Variants in SHROOM2 observed in about 807,000 individuals in gnomAD.
SHROOM2 encodes shroom family member 2, also known as protein Shroom2.
A neutral mutation model predicts 75.9 loss-of-function variants in SHROOM2; 33 were observed. The observed-to-expected ratio is 0.43, with a 90% CI of 0.33 to 0.58. The LOEUF (loss-of-function observed/expected upper bound fraction) is 0.58, where lower values mean the gene tolerates loss of function less well. SHROOM2 is among the 20% of genes least tolerant of loss of function. The pLI, the probability that SHROOM2 is intolerant of heterozygous loss-of-function variation, is 0.04. For missense variants in SHROOM2, 1,434 were observed against 1,461.2 expected (o/e 0.98, Z 0.30); for synonymous variants, 655 against 663.6 (o/e 0.99, Z 0.20).
intron 8 of SHROOM2, among the ~76,000 whole-genome samples, chrX:9,939,799 T>G (rs1028384497): frequency 8.9e-6 from 1 of 111,741 alleles, no homozygotes; most frequent in Non-Finnish European, 1.9e-5. Flanking sequence ...GTGGTAACTT[T>G]TTTTTGAGAT....
At chrX:9,946,390 G>A (rs1233426921) in intron 9 of SHROOM2, among the ~76,000 whole-genome samples, 2 of 112,840 alleles carry the variant, frequency 1.8e-5, no homozygotes, top group Non-Finnish European at 3.8e-5. Context: ...CACCATTCGA[G>A]GCAGGTGGGA....
chrX:9,789,939 G>C (rs945561235), intron 1 of SHROOM2, among the ~76,000 whole-genome samples: 1 of 101,694 alleles, frequency 9.8e-6, no homozygotes, highest in Non-Finnish European at 2.0e-5. Context: ...TGTTGTGTGC[G>C]ACAAGACTGC....
chrX:9,825,602 C>T (rs1030673585), intron 1 of SHROOM2, among the ~76,000 whole-genome samples: 2 of 112,363 alleles, frequency 1.8e-5, no homozygotes, highest in African/African-American at 6.5e-5. Flanking sequence ...ACTTGAGTGT[C>T]AAGGACAGTC....
chrX:9,849,459 C>T (rs1033674642), intron 1 of SHROOM2, among the ~76,000 whole-genome samples: 1 of 112,049 alleles, frequency 8.9e-6, no homozygotes, highest in Non-Finnish European at 1.9e-5. Flanking sequence ...TATGGGGGTG[C>T]TGGTGGCCTT....
At chrX:9,787,022 G>A (rs914963216) in intron 1 of SHROOM2, among the ~76,000 whole-genome samples, 15 of 111,826 alleles carry the variant, frequency 1.3e-4, no homozygotes, top group Admixed American at 6.5e-4. Context: ...GCACCTGCGG[G>A]GCTGCCTGGA....
chrX:9,832,314 C>T, intron 1 of SHROOM2, among the ~76,000 whole-genome samples: 1 of 111,378 alleles, frequency 9.0e-6, no homozygotes, highest in East Asian at 2.9e-4. Context: ...CACCCTGTGT[C>T]TCTCTAGCCC....
intron 6 of SHROOM2, among the ~76,000 whole-genome samples, 161 bp downstream of exon 6, chrX:9,933,031 C>T (rs1356750321): frequency 9.0e-6 from 1 of 111,376 alleles, no homozygotes; most frequent in Non-Finnish European, 1.9e-5. Context: ...GAAAGTGAAG[C>T]TTCAGTGGTG....
At chrX:9,833,064 C>T (rs181684716) in intron 1 of SHROOM2, among the ~76,000 whole-genome samples, 2 of 110,579 alleles carry the variant, frequency 1.8e-5, no homozygotes, top group African/African-American at 6.6e-5. Flanking sequence ...AATGTCTTCT[C>T]GCGTCCTTGT....
chrX:9,915,820 T>C (rs998310355), intron 5 of SHROOM2, among the ~76,000 whole-genome samples: 5 of 112,292 alleles, frequency 4.5e-5, no homozygotes, highest in South Asian at 3.7e-4. Context: ...TTCAGCTGAG[T>C]TAGAAGATAG....
chrX:9,789,198 G>A (rs2083633641), intron 1 of SHROOM2, among the ~76,000 whole-genome samples: 1 of 111,697 alleles, frequency 9.0e-6, no homozygotes, highest in Non-Finnish European at 1.9e-5. Context: ...GAACTCCCAA[G>A]TGCTGTGTTT....
intron 5 of SHROOM2, among the ~76,000 whole-genome samples, chrX:9,920,632 C>A (rs2084536596): frequency 9.0e-6 from 1 of 111,262 alleles, no homozygotes; most frequent in African/African-American, 3.3e-5. Flanking sequence ...TCTCTTTTAA[C>A]CTAAAGAAAT....
chrX:9,837,002 G>A (rs1192950174), intron 1 of SHROOM2, among the ~76,000 whole-genome samples: 1 of 112,197 alleles, frequency 8.9e-6, no homozygotes, highest in Admixed American at 9.4e-5. Flanking sequence ...TTTTGACTCC[G>A]CATCATATTT....
intron 1 of SHROOM2, among the ~76,000 whole-genome samples, chrX:9,826,462 T>C (rs2083888083): frequency 9.0e-6 from 1 of 111,676 alleles, no homozygotes; most frequent in South Asian, 3.8e-4. Context: ...TCAGCTCTTA[T>C]CCATCATTTA....
chrX:9,849,115 G>C (rs1375872972), intron 1 of SHROOM2, among the ~76,000 whole-genome samples: 1 of 111,824 alleles, frequency 8.9e-6, no homozygotes, highest in African/African-American at 3.3e-5. Flanking sequence ...CTATAGTCTG[G>C]AGCATCCCAG....
At chrX:9,914,388 G>T (rs896935809) in intron 5 of SHROOM2, among the ~76,000 whole-genome samples, 4 of 109,685 alleles carry the variant, frequency 3.6e-5, no homozygotes, top group African/African-American at 1.3e-4. Flanking sequence ...GTGGCCTTTG[G>T]AATACATTTA....
chrX:9,929,350 T>C (rs770662772), intron 5 of SHROOM2, among the ~76,000 whole-genome samples: 1 of 110,008 alleles, frequency 9.1e-6, no homozygotes, highest in African/African-American at 3.5e-5. Context: ...AGTGTTGGGC[T>C]GGAGCGCGCC....
chrX:9,925,326 C>G (rs113587697), intron 5 of SHROOM2, among the ~76,000 whole-genome samples: 10,569 of 112,320 alleles, frequency 0.094, 1,232 homozygotes, highest in African/African-American at 0.33. Context: ...TGGCGCCGTG[C>G]TTCTTCAGCG....
intron 1 of SHROOM2, among the ~76,000 whole-genome samples, chrX:9,863,813 GAGGAA>G (rs1000165517): frequency 2.7e-5 from 3 of 110,492 alleles, no homozygotes; most frequent in Non-Finnish European, 3.8e-5. Context: ...TGTCAACTAT[GAGGAA>G]AGGAATTTTT....
At chrX:9,868,348 C>T (rs934491504) in intron 1 of SHROOM2, among the ~76,000 whole-genome samples, 6 of 109,358 alleles carry the variant, frequency 5.5e-5, no homozygotes, top group South Asian at 3.9e-4. Flanking sequence ...CGGGTTCAAG[C>T]GACTCTCCTG....
Sources: gnomAD v4.1 joint callset for allele counts (sites outside exome capture counted in the v4.1 genomes callset) on GRCh38, gnomAD v4.1.1 for gene constraint, MANE v1.5 for transcripts, NCBI Gene and HGNC (gene_info 2026-07-23, HGNC 2026-07-21) for gene names.